Variants in TEX36 observed in about 807,000 individuals in gnomAD.
TEX36 encodes testis expressed 36, also known as testis-expressed protein 36.
In TEX36, 12 loss-of-function variants were observed where a neutral mutation model predicts 13.6. The observed-to-expected ratio is 0.88, with a 90% confidence interval of 0.56 to 1.43. The LOEUF (loss-of-function observed/expected upper bound fraction) is 1.43. Ranked by LOEUF, TEX36 falls within the 40% of genes most tolerant of loss-of-function variation. The probability of loss-of-function intolerance (pLI) is 0.00; values close to 1 mark genes in which losing one functional copy is unlikely to be tolerated. For synonymous variants in TEX36, 93 were observed against 83.0 expected, an observed-to-expected ratio of 1.12 and a Z score of -0.65; for missense variants, 224 against 228.3, an observed-to-expected ratio of 0.98 and a Z score of 0.12.
At chr10:125,614,042 C>A (rs1846325968) in intron 3 of TEX36, among the ~76,000 whole-genome samples, 1 of 152,182 alleles carries the variant, frequency 6.6e-6, no homozygotes, top group South Asian at 2.1e-4. Context: ...TGATGGTGAG[C>A]ATTTTTTCAC....
intron 3 of TEX36, among the ~76,000 whole-genome samples, chr10:125,627,207 T>A (rs1458448372): frequency 6.6e-6 from 1 of 152,246 alleles, no homozygotes; most frequent in Non-Finnish European, 1.5e-5. Flanking sequence ...TATTGACACT[T>A]GTGAAATATT....
At position 125,682,928 on chromosome 10, in the gene TEX36, A is replaced by G. The variant is rs964033133; in HGVS notation, c.51+11T>C. 6.4e-6 allele frequency: 10 copies of G among 1,551,602 alleles called. No homozygotes were observed. The African/African-American group carries it at 8.2e-5, about 13-fold the overall frequency. ...CATGAGAAAGGCACCAGGGGCCACCATCTTCCTTACCCATCTCCCATCCTT... is the reference window on the plus strand; with the variant it reads ...CATGAGAAAGGCACCAGGGGCCACCGTCTTCCTTACCCATCTCCCATCCTT... On this transcript the variant is annotated intron_variant, in intron 1 of 3. Transcript: ENST00000368821.
downstream of TEX36, among the ~76,000 whole-genome samples, chr10:125,617,958 C>A (rs1426438495): frequency 6.6e-6 from 1 of 152,130 alleles, no homozygotes; most frequent in South Asian, 2.1e-4. Context: ...TCACATAGTC[C>A]CATATTTCTT....
At chr10:125,660,382 C>A (rs1847015511) in intron 3 of TEX36, among the ~76,000 whole-genome samples, 1 of 152,198 alleles carries the variant, frequency 6.6e-6, no homozygotes, top group African/African-American at 2.4e-5. Context: ...ACCTCAGCCT[C>A]CCAAACTGCT....
chr10:125,605,445 C>A (rs1846204225), intron 3 of TEX36, among the ~76,000 whole-genome samples: 1 of 132,402 alleles, frequency 7.6e-6, no homozygotes, highest in Non-Finnish European at 1.5e-5. Context: ...AATCTCCATA[C>A]ACAGCATAGT....
intron 3 of TEX36, among the ~76,000 whole-genome samples, chr10:125,589,608 A>T (rs138013493): frequency 9.3e-4 from 142 of 152,326 alleles, no homozygotes; most frequent in African/African-American, 3.3e-3. Context: ...TATTTCCAGA[A>T]TACATTGAAA....
At chr10:125,588,763 T>C (rs1845988762) in intron 3 of TEX36, among the ~76,000 whole-genome samples, 1 of 152,184 alleles carries the variant, frequency 6.6e-6, no homozygotes, top group Non-Finnish European at 1.5e-5. Context: ...TATAGGCGTG[T>C]GCCACCACGC....
chr10:125,646,187 G>A (rs7910503), intron 3 of TEX36, among the ~76,000 whole-genome samples: 5 of 152,010 alleles, frequency 3.3e-5, no homozygotes, highest in Non-Finnish European at 5.9e-5. Flanking sequence ...ATAGCCAGCC[G>A]TGGTGGTGTG....
intron 3 of TEX36, among the ~76,000 whole-genome samples, chr10:125,579,998 A>T (rs1397612631): frequency 6.6e-6 from 1 of 152,212 alleles, no homozygotes; most frequent in Non-Finnish European, 1.5e-5. Flanking sequence ...ATGTTGTTAG[A>T]TGTTGGTCAA....
intron 1 of TEX36, among the ~76,000 whole-genome samples, chr10:125,679,148 C>CCCCCG (rs1847357196): frequency 1.6e-5 from 2 of 125,182 alleles, no homozygotes; most frequent in Admixed American, 7.9e-5. Context: ...ACCCCCCCCG[C>CCCCCG]CCCCGCCAAG....
downstream of TEX36, among the ~76,000 whole-genome samples, chr10:125,618,629 T>G (rs1184004088): frequency 6.6e-6 from 1 of 152,032 alleles, no homozygotes; most frequent in East Asian, 1.9e-4. Context: ...TCCCACTTCC[T>G]AATGGAGGTG....
intron 3 of TEX36, among the ~76,000 whole-genome samples, chr10:125,637,588 T>C (rs960972119): frequency 2.0e-5 from 3 of 152,164 alleles, no homozygotes; most frequent in South Asian, 4.1e-4. Context: ...TCACGTCTTT[T>C]AGATATACAT....
At position 125,606,864 on chromosome 10, in the gene TEX36, C is replaced by T. The variant is rs546689981; in HGVS notation, c.265-29990G>A. On this transcript the variant is annotated intron_variant, in intron 3 of 3. Coordinates refer to the TEX36 transcript ENST00000532135. Reference sequence around the variant, plus strand: ...CCTCACAATAATTACACATTTGAGCCGTCTCAGATGTGCTATACGTATTCT... The same window carrying T: ...CCTCACAATAATTACACATTTGAGCTGTCTCAGATGTGCTATACGTATTCT... 4.8e-4 allele frequency among the ~76,000 whole-genome samples: 73 copies of T among 152,220 alleles called. 1 individual carries two copies. The highest frequency in any genetic ancestry group is 1.6e-3 in the African/African-American group (67 of 41,526).
At chr10:125,675,081 G>A in intron 1 of TEX36, among the ~76,000 whole-genome samples, 1 of 150,894 alleles carries the variant, frequency 6.6e-6, no homozygotes. Context: ...CAGTCCCAGG[G>A]AGACAAGAGT....
chr10:125,585,000 G>C (rs566771526), intron 3 of TEX36, among the ~76,000 whole-genome samples: 5 of 152,148 alleles, frequency 3.3e-5, no homozygotes, highest in Non-Finnish European at 7.3e-5. Flanking sequence ...CTCAACATGG[G>C]TCCCTTAGAA....
At chr10:125,678,244 A>C (rs950618939) in intron 1 of TEX36, among the ~76,000 whole-genome samples, 1 of 152,134 alleles carries the variant, frequency 6.6e-6, no homozygotes, top group Admixed American at 6.6e-5. Flanking sequence ...TTGATTCTGC[A>C]TGCATGTAGT....
chr10:125,577,497 T>G (rs1845838107), intron 3 of TEX36, among the ~76,000 whole-genome samples: 1 of 152,136 alleles, frequency 6.6e-6, no homozygotes, highest in African/African-American at 2.4e-5. Flanking sequence ...AGACTGTGTC[T>G]CAAAGAAAAG....
chr10:125,656,602 C>CATGT (rs557850116), intron 3 of TEX36, among the ~76,000 whole-genome samples: 94 of 151,868 alleles, frequency 6.2e-4, no homozygotes, highest in African/African-American at 2.1e-3. Flanking sequence ...AGTTACTTGA[C>CATGT]ATGTATATGT....
At chr10:125,589,628 A>G (rs1296020883) in intron 3 of TEX36, among the ~76,000 whole-genome samples, 1 of 152,236 alleles carries the variant, frequency 6.6e-6, no homozygotes, top group African/African-American at 2.4e-5. Flanking sequence ...AGAATCATAT[A>G]TTATTTATTT....
Sources: allele counts gnomAD v4.1 joint callset (sites outside exome capture counted in the v4.1 genomes callset), GRCh38; gene constraint gnomAD v4.1.1; transcripts MANE v1.5; gene names NCBI Gene and HGNC (gene_info 2026-07-23, HGNC 2026-07-21).